Variants in CCDC9 observed in about 807,000 individuals in gnomAD.
The protein encoded by CCDC9 is coiled-coil domain-containing protein 9.
Under a neutral mutation model 65.6 loss-of-function variants are expected in CCDC9, and 52 were observed. That is an observed-to-expected ratio of 0.79 (90% confidence interval 0.63 to 1.00). The LOEUF is 1.00. CCDC9 is among the 50% of genes least tolerant of loss of function. The probability of loss-of-function intolerance (pLI) is 0.00; values close to 1 mark genes in which losing one functional copy is unlikely to be tolerated. For missense variants in CCDC9, 834 were observed against 757.2 expected (o/e 1.10, Z -1.19); for synonymous variants, 332 against 280.3 (o/e 1.18, Z -1.84).
chr19:47,270,943 A>T, intron 10 of CCDC9, 139 bp from the exon 11 acceptor site: 1 of 743,848 alleles, frequency 1.3e-6, no homozygotes, highest in Non-Finnish European at 2.2e-6. Flanking sequence ...ACACATGGGG[A>T]CACACATCCG....
At chr19:47,258,694 C>G (rs1402726570) in intron 3 of CCDC9, 31 bp downstream of exon 3, 1 of 1,491,828 alleles carries the variant, frequency 6.7e-7, no homozygotes, top group Non-Finnish European at 9.4e-7. Flanking sequence ...GAGACCCCAT[C>G]CCCTCTCTTC....
chr19:47,258,150 T>A lies in CCDC9; in HGVS notation c.-71-180T>A. The A allele has an allele frequency of 6.9e-6, 4 of 580,238 alleles. 1 individual carries two copies. Among genetic ancestry groups the A allele is most frequent in the South Asian group, 6.2e-5 (3 of 48,764 alleles). The allele number at this position is 580,238 out of a possible 1,614,324, so 35.9% of individuals were successfully genotyped here. Reference sequence around the variant, plus strand: ...GAGTCCACAAAGATCATGAAAGGGCTGAGTCTGAATTTCTATGGAGAAGAT... The same window carrying A: ...GAGTCCACAAAGATCATGAAAGGGCAGAGTCTGAATTTCTATGGAGAAGAT... On this transcript the variant is annotated intron_variant, in intron 1 of 11. Coordinates refer to ENST00000221922, the MANE Select transcript of CCDC9 (RefSeq NM_015603.3).
downstream of CCDC9, chr19:47,275,566 A>T (rs906673386): frequency 1.1e-5 from 7 of 610,752 alleles, no homozygotes; most frequent in African/African-American, 1.4e-4. Context: ...CACCATCAGG[A>T]AGATCCCATC....
chr19:47,275,178 G>GCGCCCGC, downstream of CCDC9: 1 of 1,464,744 alleles, frequency 6.8e-7, no homozygotes, highest in East Asian at 2.8e-5. Flanking sequence ...GCCTGTCCCG[G>GCGCCCGC]CGCCCGCCGC....
At chr19:47,258,518 G>C (rs755192830) in intron 2 of CCDC9, 41 bp from the exon 3 acceptor site, 2 of 1,605,156 alleles carry the variant, frequency 1.2e-6, no homozygotes, top group East Asian at 4.5e-5. Flanking sequence ...GGTATGGATG[G>C]AGGTTTTTCC....
intron 8 of CCDC9, among the ~76,000 whole-genome samples, chr19:47,267,361 C>T (rs1187482409): frequency 2.0e-5 from 3 of 152,264 alleles, no homozygotes; most frequent in Non-Finnish European, 4.4e-5. Context: ...TCACTGCAAC[C>T]TCCGCCTCCC....
At chr19:47,265,027 C>A in intron 7 of CCDC9, 81 bp downstream of exon 7, 1 of 1,191,172 alleles carries the variant, frequency 8.4e-7, no homozygotes, top group Non-Finnish European at 1.1e-6. Flanking sequence ...CAGATCAGGG[C>A]CATGGGGCCT....
downstream of CCDC9, chr19:47,275,396 G>T: frequency 4.6e-6 from 7 of 1,515,432 alleles, no homozygotes; most frequent in Non-Finnish European, 6.2e-6. Context: ...AGAGCTCTGT[G>T]CTCCACGCCG....
At chr19:47,273,694 C>G (rs967700248), downstream of CCDC9, 2 of 381,616 alleles carry the variant, frequency 5.2e-6, no homozygotes, top group African/African-American at 2.1e-5. Flanking sequence ...CCCATGGAGG[C>G]CCTGGGCGGC....
intron 7 of CCDC9, chr19:47,266,373 G>A: frequency 2.1e-6 from 1 of 482,040 alleles, no homozygotes; most frequent in Non-Finnish European, 3.6e-6. Flanking sequence ...AATATAGTGA[G>A]ATGTGAGGTC....
rs530792780 is a variant in CCDC9, at chr19:47,258,273, G to A, written c.-71-57G>A. On this transcript the variant is annotated intron_variant, in intron 1 of 11. Transcript: ENST00000221922. ...TGTGAGGATCCCGCAGTATGTTAGA[G>A]GGTGAAGTAGGTTGGGGGGCCATTG... The A allele has an allele frequency of 1.5e-4, 143 of 927,014 alleles. 2 individuals carry two copies. In the South Asian group the frequency reaches 1.9e-3, roughly 12 times the overall value. 57.4% of individuals were successfully genotyped at this position (927,014 alleles called of 1,614,324 possible).
chr19:47,271,714 TGTGTGTGTGTGTGTGTGTGCGC>T lies in CCDC9; in HGVS notation c.*38_*59del, dbSNP rs1219658019. 2.9e-6 allele frequency: 4 copies of T among 1,378,534 alleles called. No individual in the cohort carries two copies. Among genetic ancestry groups the T allele is most frequent in the South Asian group, 1.4e-5 (1 of 72,462 alleles). 85.4% of individuals were successfully genotyped at this position (1,378,534 alleles called of 1,614,324 possible). A position where few individuals can be genotyped will look rare whatever the true frequency, so the allele number is the denominator to read the frequency against. ...CTGTGTGTGTGTGTGTGTGTGTGTG[TGTGTGTGTGTGTGTGTGTGCGC>T]GCGCGCGCGCGCGCGCGCGCGCGCT... On this transcript the variant is annotated 3_prime_UTR_variant, in exon 12 of 12. Coordinates refer to ENST00000221922, the MANE Select transcript of CCDC9 (RefSeq NM_015603.3).
Position 47,258,662 on chromosome 19 carries a change from A to G in CCDC9, c.107A>G (p.Gln36Arg). ...RKNEALIRRY[Q>R]EIEEDRKKAE... ...AATGAGGCCCTCATCCGGCGCTACC[A>G]GGTGCCCTAGCCCCGCCCTGGGAGA... is the stretch of plus-strand genomic sequence containing the variant. Residue 36 changes from glutamine to arginine, a missense_variant and splice_region_variant, in exon 3 of 12, where the codon CAG (glutamine) becomes CGG (arginine). Coordinates refer to ENST00000221922, the MANE Select transcript of CCDC9 (RefSeq NM_015603.3). 1 of 1,612,788 alleles carries G rather than the reference A, an allele frequency of 6.2e-7. No homozygotes were observed. Among genetic ancestry groups the G allele is most frequent in the South Asian group, 1.1e-5 (1 of 91,050 alleles).
chr19:47,270,655 G>A lies in CCDC9; in HGVS notation c.1052G>A (p.Arg351Gln), dbSNP rs780956231. The A allele has an allele frequency of 6.8e-6, 11 of 1,612,238 alleles. No homozygotes were observed. The highest frequency in any genetic ancestry group is 1.3e-5 in the African/African-American group (1 of 75,002). The stretch of plus-strand genomic sequence containing the variant: ...AGCCGCAGAAGGAGAAAGAGCAGTC[G>A]GCCCCAGGCCAAGGCAGCGCCCAGG... ...ASSRRRRKSS[R>Q]PQAKAAPRAY... Residue 351 changes from arginine (R) to glutamine (Q), a missense_variant, in exon 10 of 12, where the codon CGG (arginine) becomes CAG (glutamine). Coordinates refer to ENST00000221922, the MANE Select transcript of CCDC9 (RefSeq NM_015603.3).
intron 8 of CCDC9, among the ~76,000 whole-genome samples, chr19:47,267,643 C>T (rs1446215726): frequency 1.3e-5 from 2 of 152,208 alleles, no homozygotes; most frequent in Non-Finnish European, 2.9e-5. Flanking sequence ...TTCGCCAGCA[C>T]ACCCCGCCTC....
intron 7 of CCDC9, among the ~76,000 whole-genome samples, chr19:47,265,543 G>T (rs1190226435): frequency 6.6e-6 from 1 of 152,082 alleles, no homozygotes; most frequent in Non-Finnish European, 1.5e-5. Context: ...CCCCTAAATT[G>T]TCCGTCTGTT....
chr19:47,260,428 C>A lies in CCDC9; in HGVS notation c.210+6C>A. ...AGAACGTGGCAGTGGAGTCGGTGAG[C>A]TCGTCACTGGGGTGTGGGACCCTGA... is the stretch of plus-strand genomic sequence containing the variant. On this transcript the variant is annotated splice_donor_region_variant and intron_variant, in intron 4 of 11. Transcript: ENST00000221922. 6.2e-7 allele frequency: 1 copy of A among 1,608,910 alleles called. No individual in the cohort carries two copies.
intron 7 of CCDC9, among the ~76,000 whole-genome samples, chr19:47,265,187 TG>T: frequency 6.6e-6 from 1 of 152,234 alleles, no homozygotes; most frequent in East Asian, 1.9e-4. Context: ...CCCGAGTAGC[TG>T]GGATTACAGG....
downstream of CCDC9, chr19:47,275,229 C>G: frequency 1.3e-6 from 2 of 1,531,252 alleles, no homozygotes; most frequent in Non-Finnish European, 1.8e-6. Flanking sequence ...CGGCGGGCCG[C>G]GACCCCAGCT....
Sources: allele counts gnomAD v4.1 joint callset (sites outside exome capture counted in the v4.1 genomes callset), GRCh38; gene constraint gnomAD v4.1.1; transcripts MANE v1.5; gene names NCBI Gene and HGNC (gene_info 2026-07-23, HGNC 2026-07-21).